CCDC93: variants seen among roughly 807,000 people sequenced by gnomAD.
CCDC93 encodes the protein coiled-coil domain-containing protein 93.
CCDC93 carries 61 observed loss-of-function variants against 108.2 expected under a neutral mutation model. The ratio of observed to expected loss-of-function variants is 0.56; its 90% confidence interval spans 0.46 to 0.70. The LOEUF (loss-of-function observed/expected upper bound fraction) is 0.70. Among genes scored for constraint, CCDC93 ranks in the 30% least tolerant of loss-of-function variants. The pLI is 0.00. For synonymous variants in CCDC93, 276 were observed against 260.4 expected, an observed-to-expected ratio of 1.06 and a Z score of -0.58; for missense variants, 685 against 764.2, an observed-to-expected ratio of 0.90 and a Z score of 1.22.
Position 118,006,787 on chromosome 2 carries a change from G to C in CCDC93, c.186C>G (p.Thr62=). The C allele has an allele frequency of 6.2e-7, 1 of 1,610,706 alleles. No homozygotes were observed. The highest frequency in any genetic ancestry group is 8.5e-7 in the Non-Finnish European group (1 of 1,176,968). Residue 62 remains threonine (T), a synonymous_variant, in exon 3 of 24, where the codon ACC becomes ACG. Transcript: ENST00000376300. ...KVVGGMTWCI[T]TCNFDVDVDL... is the part of the protein sequence containing the mutation. Reference sequence around the variant, plus strand: ...CAACATCTACATCAAAGTTGCAAGTGGTGATACACCAAGTCATTCCTCCTA... The same window carrying C: ...CAACATCTACATCAAAGTTGCAAGTCGTGATACACCAAGTCATTCCTCCTA...
chr2:118,002,287 G>A (rs1210054136), intron 3 of CCDC93, among the ~76,000 whole-genome samples: 1 of 152,124 alleles, frequency 6.6e-6, no homozygotes, highest in Non-Finnish European at 1.5e-5. Context: ...CAAGGAGACA[G>A]ATACCCTCAA....
At chr2:118,012,255 C>CA (rs1347199974) in intron 1 of CCDC93, among the ~76,000 whole-genome samples, 1 of 145,688 alleles carries the variant, frequency 6.9e-6, no homozygotes, top group Admixed American at 6.8e-5. Context: ...GCCTCGGTGA[C>CA]AGAGTGAGAC....
chr2:117,941,078 G>T, intron 19 of CCDC93, 111 bp downstream of exon 19: 1 of 737,494 alleles, frequency 1.4e-6, no homozygotes, highest in Non-Finnish European at 2.3e-6. Flanking sequence ...CTTTCCGGTG[G>T]TGGCCTTTGT....
At chr2:117,928,792 A>T (rs1246663166) in intron 23 of CCDC93, among the ~76,000 whole-genome samples, 7 of 152,204 alleles carry the variant, frequency 4.6e-5, no homozygotes, top group Non-Finnish European at 1.0e-4. Context: ...ATCATGCTGC[A>T]ATAAAGACAC....
At chr2:117,944,923 G>A (rs543203071) in intron 17 of CCDC93, 34 of 414,740 alleles carry the variant, frequency 8.2e-5, no homozygotes, top group Non-Finnish European at 1.3e-4. Flanking sequence ...TTTGGAATGC[G>A]GAGAGCACTG....
chr2:117,988,112 TCA>T (rs1491469615), intron 6 of CCDC93, among the ~76,000 whole-genome samples: 2 of 150,954 alleles, frequency 1.3e-5, no homozygotes, highest in African/African-American at 4.9e-5. Context: ...TATATATATA[TCA>T]GATATATATA....
At chr2:117,964,022 G>C (rs1282955627) in intron 11 of CCDC93, among the ~76,000 whole-genome samples, 1 of 152,310 alleles carries the variant, frequency 6.6e-6, no homozygotes, top group Non-Finnish European at 1.5e-5. Context: ...AATTACGTAA[G>C]AGTCGATCCG....
intron 13 of CCDC93, chr2:117,949,834 T>A (rs1678997148): frequency 1.0e-6 from 1 of 985,070 alleles, no homozygotes; most frequent in African/African-American, 1.8e-5. Flanking sequence ...AACACAAGAG[T>A]TTAACCTCAC....
At chr2:117,959,425 C>A (rs1679320796) in intron 11 of CCDC93, among the ~76,000 whole-genome samples, 1 of 152,206 alleles carries the variant, frequency 6.6e-6, no homozygotes, top group Admixed American at 6.5e-5. Flanking sequence ...TCTAAACTCA[C>A]ATGCAACAAA....
rs757971766 is a variant in CCDC93 at position 117,996,327 on chromosome 2, C to A, written c.399G>T (p.Glu133Asp). Reference protein sequence around the residue: ...LVKRAIETKEEMGDYIRSYSV... With the variant: ...LVKRAIETKEDMGDYIRSYSV... The stretch of plus-strand genomic sequence containing the variant: ...AGTAGGAGCGGATATAGTCACCCAT[C>A]TCTTCTTTTGTTTCTATAGCTCGTT... The change falls in exon 5 of 24, where the codon GAG becomes GAT. Residue 133 changes from glutamate (E) to aspartate (D), a missense_variant. Transcript: ENST00000376300. 1 of 1,613,702 alleles carries A rather than the reference C, an allele frequency of 6.2e-7. No individual in the cohort carries two copies. The highest frequency in any genetic ancestry group is 1.3e-5 in the African/African-American group (1 of 74,910).
At chr2:117,938,474 T>C (rs1678589603) in intron 20 of CCDC93, among the ~76,000 whole-genome samples, 1 of 151,224 alleles carries the variant, frequency 6.6e-6, no homozygotes, top group Admixed American at 6.6e-5. Context: ...GCATGGCACA[T>C]GTATACATAT....
Position 117,928,360 on chromosome 2 carries a change from C to T in CCDC93, c.1842+2677G>A, listed in dbSNP as rs1573461571. On this transcript the variant is annotated intron_variant, in intron 23 of 23. Transcript: ENST00000376300. ...TGGGAGAAAATTTTTGCAATCTACT[C>T]ATCTGACAAAGGGCTAATATCCAGA... 2.0e-5 allele frequency among the ~76,000 whole-genome samples: 3 copies of T among 152,222 alleles called. 1 individual carries two copies. The highest frequency in any genetic ancestry group is 1.3e-4 in the Admixed American group (2 of 15,296).
At chr2:118,007,709 C>A (rs565540974) in intron 2 of CCDC93, among the ~76,000 whole-genome samples, 2 of 152,144 alleles carry the variant, frequency 1.3e-5, no homozygotes, top group African/African-American at 2.4e-5. Flanking sequence ...GTAAATCTTA[C>A]CCCTGGCTGC....
At chr2:117,926,376 A>G (rs1447399489) in intron 23 of CCDC93, among the ~76,000 whole-genome samples, 4 of 152,216 alleles carry the variant, frequency 2.6e-5, no homozygotes, top group African/African-American at 9.6e-5. Context: ...TGCTAGCAAG[A>G]CTAATAAAGA....
At chr2:117,939,894 G>A (rs2104727607) in intron 19 of CCDC93, among the ~76,000 whole-genome samples, 1 of 152,330 alleles carries the variant, frequency 6.6e-6, no homozygotes, top group East Asian at 1.9e-4. Flanking sequence ...AGATGCAGAT[G>A]TGCAAGAGGG....
intron 11 of CCDC93, among the ~76,000 whole-genome samples, chr2:117,968,810 C>T (rs1362123332): frequency 6.6e-6 from 1 of 152,126 alleles, no homozygotes; most frequent in Non-Finnish European, 1.5e-5. Flanking sequence ...AAAAAAAAAT[C>T]CTGATCTCAG....
At chr2:117,932,853 A>T (rs1189200127) in intron 22 of CCDC93, among the ~76,000 whole-genome samples, 1 of 152,220 alleles carries the variant, frequency 6.6e-6, no homozygotes, top group African/African-American at 2.4e-5. Flanking sequence ...TTTCTGCTGC[A>T]CTGGCTAGGA....
chr2:117,922,774 C>T (rs1426915087), intron 23 of CCDC93, among the ~76,000 whole-genome samples: 7 of 151,910 alleles, frequency 4.6e-5, no homozygotes, highest in Admixed American at 4.6e-4. Context: ...GGAGAAGGCT[C>T]CACCCTGGAT....
At chr2:117,960,638 C>G (rs1436149634) in intron 11 of CCDC93, among the ~76,000 whole-genome samples, 1 of 152,222 alleles carries the variant, frequency 6.6e-6, no homozygotes, top group Non-Finnish European at 1.5e-5. Flanking sequence ...ATTCTTCTTG[C>G]AGGAAAACCA....
Sources: gnomAD v4.1 joint callset for allele counts (sites outside exome capture counted in the v4.1 genomes callset) on GRCh38, gnomAD v4.1.1 for gene constraint, MANE v1.5 for transcripts, NCBI Gene and HGNC (gene_info 2026-07-23, HGNC 2026-07-21) for gene names.